The following TSSK4 variants were observed in gnomAD, a reference collection of about 807,000 sequenced individuals.
TSSK4 encodes testis specific serine kinase 4.
In TSSK4, 22 loss-of-function variants were observed where a neutral mutation model predicts 28.5. The observed-to-expected ratio is 0.77, with a 90% CI of 0.55 to 1.10. The LOEUF (loss-of-function observed/expected upper bound fraction) is 1.10. Among genes scored for constraint, TSSK4 ranks in the 50% least tolerant of loss-of-function variants. The pLI is 0.00. For synonymous variants in TSSK4, 151 were observed against 158.3 expected (o/e 0.95, Z 0.35); for missense variants, 329 against 415.4 (o/e 0.79, Z 1.81).
At chr14:24,206,292 T>G in intron 1 of TSSK4, 144 bp downstream of exon 1, 1 of 908,200 alleles carries the variant, frequency 1.1e-6, no homozygotes, top group Non-Finnish European at 1.7e-6. Flanking sequence ...GGAAACTTTA[T>G]GTAAGTTAAA....
At chr14:24,207,537 C>T (rs2039542668) in intron 3 of TSSK4, 28 bp downstream of exon 3, 1 of 1,566,048 alleles carries the variant, frequency 6.4e-7, no homozygotes, top group African/African-American at 1.4e-5. Context: ...AGGGCTGAGC[C>T]TTCAGGGATG....
chr14:24,207,292 A>G lies in TSSK4; in HGVS notation c.617A>G (p.Gln206Arg), dbSNP rs1270764. The G allele has an allele frequency of 7.9e-3, 12,745 of 1,614,106 alleles. 888 individuals are homozygous for G. In the African/African-American group the frequency reaches 0.15, roughly 19 times the overall value. ...RQVNCFSHLSQTYCGSFAYAC... is the reference protein window; with the variant it reads ...RQVNCFSHLSRTYCGSFAYAC... The stretch of plus-strand genomic sequence containing the variant: ...GTGAACTGCTTTTCCCACCTCAGCC[A>G]GACTTACTGTGGCAGCTTTGCTTAC... Residue 206 changes from glutamine (Q) to arginine (R), a missense_variant, in exon 3 of 4, where the codon CAG (glutamine) becomes CGG (arginine). Physicochemically the swap from Gln to Arg is conservative, Grantham distance 43 (BLOSUM62 1). Transcript: ENST00000339917.
chr14:24,206,222 C>A, intron 1 of TSSK4, 74 bp downstream of exon 1: 2 of 1,426,240 alleles, frequency 1.4e-6, no homozygotes, highest in Non-Finnish European at 2.0e-6. Context: ...AGGGGTATGG[C>A]CAGGAGGGGT....
At chr14:24,207,788 C>A in intron 3 of TSSK4, 176 bp from the exon 4 acceptor site, 1 of 1,264,692 alleles carries the variant, frequency 7.9e-7, no homozygotes, top group Non-Finnish European at 1.1e-6. Flanking sequence ...AGGAACTCTT[C>A]CCTTCCCCTC....
rs760747672 is a variant in TSSK4, at chr14:24,205,893, A to C, written c.-31A>C. 7.9e-5 allele frequency: 126 copies of C among 1,590,182 alleles called. No homozygotes were observed. In the Middle Eastern group the frequency reaches 3.0e-3, roughly 37 times the overall value. Reference sequence around the variant, plus strand: ...TTTGGATAGGAGGCTTCCAAGTAGTAAAGCTCCCTGCTCTCAGCAAGCCCA... The same window carrying C: ...TTTGGATAGGAGGCTTCCAAGTAGTCAAGCTCCCTGCTCTCAGCAAGCCCA... On this transcript the variant is annotated 5_prime_UTR_variant, in exon 1 of 4. Coordinates refer to ENST00000339917, the MANE Select transcript of TSSK4 (RefSeq NM_001184739.2).
Position 24,206,624 on chromosome 14 carries a change from T to G in TSSK4, c.341T>G (p.Ile114Ser), listed in dbSNP as rs1355744018. The G allele has an allele frequency of 6.2e-7, 1 of 1,614,208 alleles. No homozygotes were observed. The highest frequency in any genetic ancestry group is 8.5e-7 in the Non-Finnish European group (1 of 1,180,032). Reference sequence around the variant, plus strand: ...CAGGGTGGTGATGTCCTTGAATGGATCCAGCGCTACGGGGCCTGCTCTGAG... The same window carrying G: ...CAGGGTGGTGATGTCCTTGAATGGAGCCAGCGCTACGGGGCCTGCTCTGAG... Reference protein sequence around the residue: ...LAQGGDVLEWIQRYGACSEPL... With the variant: ...LAQGGDVLEWSQRYGACSEPL... The change falls in exon 2 of 4, where the codon ATC becomes AGC. Residue 114 changes from isoleucine to serine, a missense_variant. Around this residue, in one of 3 missense-constraint regions of TSSK4, gnomAD observed 175 missense variants for 196.0 expected, o/e 0.89. Transcript: ENST00000339917.
In TSSK4 at chr14:24,206,708, A is replaced by G; in HGVS notation, c.425A>G (p.Lys142Arg). The G allele has an allele frequency of 6.2e-7, 1 of 1,613,750 alleles. No homozygotes were observed. The highest frequency in any genetic ancestry group is 8.5e-7 in the Non-Finnish European group (1 of 1,180,030). The change falls in exon 2 of 4, where the codon AAG (lysine) becomes AGG (arginine). Residue 142 changes from lysine to arginine, a missense_variant. Lys to Arg is a conservative substitution (Grantham distance 26). This residue lies in a region of TSSK4 where 175 missense variants were observed against 196.0 expected (regional missense o/e 0.89). Transcript: ENST00000339917. Reference sequence around the variant, plus strand: ...CTGGGCATTGCCTACCTGCACAGCAAGAGCATCGTGCACCGGTGAGGGCGC... The same window carrying G: ...CTGGGCATTGCCTACCTGCACAGCAGGAGCATCGTGCACCGGTGAGGGCGC... ...LTLGIAYLHS[K>R]SIVHRLMPSL...
At position 24,205,928 on chromosome 14, in the gene TSSK4, G is replaced by C; in HGVS notation, c.5G>C (p.Gly2Ala). M[G>A]KGDVLEAAPT... ...GCTCTCAGCAAGCCCAACACCATGG[G>C]GAAGGGAGATGTCTTAGAGGCAGCA... The change falls in exon 1 of 4, where the codon GGG (glycine) becomes GCG (alanine). Residue 2 changes from glycine (G) to alanine (A), a missense_variant. By Grantham distance (60) the Gly-to-Ala change is moderately conservative. This residue lies in a region of TSSK4 where 175 missense variants were observed against 196.0 expected (regional missense o/e 0.89). Coordinates refer to ENST00000339917, the MANE Select transcript of TSSK4 (RefSeq NM_001184739.2). 1 of 1,613,336 alleles carries C rather than the reference G, an allele frequency of 6.2e-7. No homozygotes were observed. Among genetic ancestry groups the C allele is most frequent in the South Asian group, 1.1e-5 (1 of 91,040 alleles).
In TSSK4 at chr14:24,206,688, C is replaced by T; in HGVS notation, c.405C>T (p.Gly135=). 1.2e-6 allele frequency: 2 copies of T among 1,614,016 alleles called. No homozygotes were observed. The highest frequency in any genetic ancestry group is 1.7e-6 in the Non-Finnish European group (2 of 1,180,032). ...AGKWFSQLTL[G]IAYLHSKSIV... The stretch of plus-strand genomic sequence containing the variant: ...AGTGGTTCTCCCAGCTGACCCTGGG[C>T]ATTGCCTACCTGCACAGCAAGAGCA... The change falls in exon 2 of 4, where the codon GGC becomes GGT. Residue 135 remains glycine (G), a synonymous_variant. Coordinates refer to ENST00000339917, the MANE Select transcript of TSSK4 (RefSeq NM_001184739.2).
chr14:24,207,815 TG>T, intron 3 of TSSK4, 148 bp from the exon 4 acceptor site: 2 of 1,477,898 alleles, frequency 1.4e-6, no homozygotes, highest in Non-Finnish European at 1.8e-6. Context: ...GTTAACTGCC[TG>T]GGTCTCCAAG....
chr14:24,207,203 C>T lies in TSSK4; in HGVS notation c.528C>T (p.Asp176=). The T allele has an allele frequency of 6.2e-7, 1 of 1,614,176 alleles. No individual in the cohort carries two copies. The highest frequency in any genetic ancestry group is 8.5e-7 in the Non-Finnish European group (1 of 1,180,036). The change falls in exon 3 of 4, where the codon GAC becomes GAT. Residue 176 remains aspartate, a synonymous_variant. Transcript: ENST00000339917. ...LDKWENVKIS[D]FGFAKMVPSN... is the part of the protein sequence containing the mutation. ...AGTGGGAGAATGTGAAGATATCAGA[C>T]TTTGGCTTTGCCAAGATGGTGCCTT...
rs745965009 is a variant in TSSK4 at position 24,206,998 on chromosome 14, C to G, written c.441-118C>G. 9 of 1,409,546 alleles carry G rather than the reference C, an allele frequency of 6.4e-6. No homozygotes were observed. In the Admixed American group the frequency reaches 1.5e-4, roughly 24 times the overall value. 87.3% of individuals were successfully genotyped at this position (1,409,546 alleles called of 1,614,324 possible). On this transcript the variant is annotated intron_variant, in intron 2 of 3. Coordinates refer to ENST00000339917, the MANE Select transcript of TSSK4 (RefSeq NM_001184739.2). ...CTCTGCTCACAACTCCATGGCTTTCCTTCCTCTCTACCTTGTGCCCTCATA... is the reference window on the plus strand; with the variant it reads ...CTCTGCTCACAACTCCATGGCTTTCGTTCCTCTCTACCTTGTGCCCTCATA...
Position 24,206,503 on chromosome 14 carries a change from G to A in TSSK4, c.226-6G>A, listed in dbSNP as rs768944691. 50 of 1,614,018 alleles carry A rather than the reference G, an allele frequency of 3.1e-5. No homozygotes were observed. The highest frequency in any genetic ancestry group is 4.2e-5 in the Non-Finnish European group (50 of 1,180,028). On this transcript the variant is annotated splice_region_variant and splice_polypyrimidine_tract_variant and intron_variant, in intron 1 of 3. Transcript: ENST00000339917. ...CAGGTTTGATGGGTCCTTCTTCTGGGGTCAGGTAATGAAAGTCTTGCGGCA... is the reference window on the plus strand; with the variant it reads ...CAGGTTTGATGGGTCCTTCTTCTGGAGTCAGGTAATGAAAGTCTTGCGGCA...
At chr14:24,207,762 G>A in intron 3 of TSSK4, 1 of 1,101,758 alleles carries the variant, frequency 9.1e-7, no homozygotes, top group Non-Finnish European at 1.3e-6. Flanking sequence ...GGGAAATATG[G>A]AAAGCATTCC....
In TSSK4 at chr14:24,205,867, C is replaced by A; in HGVS notation, c.-57C>A. The A allele has an allele frequency of 7.0e-7, 1 of 1,431,050 alleles. No individual in the cohort carries two copies. Among genetic ancestry groups the A allele is most frequent in the Non-Finnish European group, 9.8e-7 (1 of 1,016,016 alleles). 88.6% of individuals were successfully genotyped at this position (1,431,050 alleles called of 1,614,324 possible). ...GCCTTCAGCAGCTCAAGGTGTTGGC[C>A]TTTGGATAGGAGGCTTCCAAGTAGT... On this transcript the variant is annotated 5_prime_UTR_variant, in exon 1 of 4. Transcript: ENST00000339917.
chr14:24,207,995 C>CT lies in TSSK4; in HGVS notation c.867dup (p.Lys290Ter), dbSNP rs1342393323. The stretch of plus-strand genomic sequence containing the variant: ...ATCCTCCAGATGCTACGCCAAGCCA[C>CT]TAAGCGTGCCACCATTCTGGACATC... On this transcript the variant is annotated frameshift_variant, in exon 4 of 4. Coordinates refer to ENST00000339917, the MANE Select transcript of TSSK4 (RefSeq NM_001184739.2). LOFTEE classifies it high-confidence loss of function. 1 of 1,614,238 alleles carries CT rather than the reference C, an allele frequency of 6.2e-7. No homozygotes were observed. Among genetic ancestry groups the CT allele is most frequent in the Admixed American group, 1.7e-5 (1 of 60,030 alleles).
Position 24,207,152 on chromosome 14 carries a change from A to G in TSSK4, c.477A>G (p.Leu159=), listed in dbSNP as rs777635563. ...MPSLSAAGRD[L]KLENLLLDKW... ...GCCTTTCTGCTGCTGGTAGGGACTT[A>G]AAGTTGGAGAACCTGTTGCTGGACA... The change falls in exon 3 of 4, where the codon TTA becomes TTG. Residue 159 remains leucine, a synonymous_variant. Coordinates refer to ENST00000339917, the MANE Select transcript of TSSK4 (RefSeq NM_001184739.2). 1.2e-5 allele frequency: 20 copies of G among 1,611,772 alleles called. No individual in the cohort carries two copies. The highest frequency in any genetic ancestry group is 1.7e-5 in the Non-Finnish European group (20 of 1,180,034).
At chr14:24,206,287 CTT>C in intron 1 of TSSK4, 139 bp downstream of exon 1, 1 of 924,400 alleles carries the variant, frequency 1.1e-6, no homozygotes, top group Non-Finnish European at 1.6e-6. Flanking sequence ...AGCTAGGAAA[CTT>C]TATGTAAGTT....
chr14:24,207,261 C>A lies in TSSK4; in HGVS notation c.586C>A (p.Arg196Ser). 1 of 1,614,106 alleles carries A rather than the reference C, an allele frequency of 6.2e-7. No individual in the cohort carries two copies. Among genetic ancestry groups the A allele is most frequent in the Non-Finnish European group, 8.5e-7 (1 of 1,179,976 alleles). ...NQPVGCSPSY[R>S]QVNCFSHLSQ... ...GCCTGTGGGTTGTAGCCCTTCTTAC[C>A]GCCAAGTGAACTGCTTTTCCCACCT... The change falls in exon 3 of 4, where the codon CGC becomes AGC. Residue 196 changes from arginine (R) to serine (S), a missense_variant. Physicochemically the swap from Arg to Ser is moderately radical, Grantham distance 110. Around this residue, in one of 3 missense-constraint regions of TSSK4, gnomAD observed 139 missense variants for 178.1 expected, o/e 0.78. Transcript: ENST00000339917.
Sources: gnomAD v4.1 joint callset for allele counts on GRCh38, gnomAD v4.1.1 for gene constraint, gnomAD v4.1.1 regional missense constraint, MANE v1.5 for transcripts, NCBI Gene and HGNC (gene_info 2026-07-23, HGNC 2026-07-21) for gene names.